SEMA5A: variants seen among roughly 807,000 people sequenced by gnomAD.
SEMA5A encodes semaphorin 5A, also known as semaphorin-5A.
SEMA5A carries 55 observed loss-of-function variants against 135.5 expected under a neutral mutation model. That is an observed-to-expected ratio of 0.41 (90% confidence interval 0.33 to 0.51). The LOEUF (loss-of-function observed/expected upper bound fraction) is 0.51. Ranked by LOEUF, SEMA5A falls within the 20% of genes least tolerant of loss-of-function variation. SEMA5A has a pLI of 0.37. For missense variants in SEMA5A, 1,290 were observed against 1,419.9 expected (o/e 0.91, Z 1.47); for synonymous variants, 580 against 546.5 (o/e 1.06, Z -0.85).
chr5:9,453,256 C>G (rs1174006541), intron 1 of SEMA5A, among the ~76,000 whole-genome samples: 3 of 152,186 alleles, frequency 2.0e-5, no homozygotes, highest in African/African-American at 4.8e-5. Context: ...CACTTCCCAG[C>G]CATTCATGGA....
At chr5:9,251,194 A>G (rs559895390) in intron 5 of SEMA5A, among the ~76,000 whole-genome samples, 2 of 152,300 alleles carry the variant, frequency 1.3e-5, no homozygotes, top group South Asian at 4.1e-4. Context: ...GACTCTAGTC[A>G]GAAGCTGGCA....
At chr5:9,280,593 AT>A (rs1418727045) in intron 5 of SEMA5A, among the ~76,000 whole-genome samples, 1 of 152,204 alleles carries the variant, frequency 6.6e-6, no homozygotes, top group African/African-American at 2.4e-5. Flanking sequence ...TAAAAATGAC[AT>A]TTGAAGTCCA....
At chr5:9,175,808 GGAAAACCATTTTACA>G (rs1744173941) in intron 11 of SEMA5A, among the ~76,000 whole-genome samples, 1 of 152,122 alleles carries the variant, frequency 6.6e-6, no homozygotes, top group African/African-American at 2.4e-5. Flanking sequence ...TTTGCTCCAA[GGAAAACCATTTTACA>G]TTTAATTTTA....
At chr5:9,532,744 C>T (rs1172404099) in intron 1 of SEMA5A, among the ~76,000 whole-genome samples, 2 of 152,130 alleles carry the variant, frequency 1.3e-5, no homozygotes, top group African/African-American at 2.4e-5. Context: ...TTTTATTTTC[C>T]ACAGATAAAG....
chr5:9,444,817 C>A (rs1469056976), intron 1 of SEMA5A, among the ~76,000 whole-genome samples: 1 of 152,098 alleles, frequency 6.6e-6, no homozygotes, highest in Non-Finnish European at 1.5e-5. Flanking sequence ...AACGGTTTTT[C>A]TTTCTTAAGG....
At position 9,521,231 on chromosome 5, in the gene SEMA5A, G is replaced by A. The variant is rs578032526; in HGVS notation, c.-175+24353C>T. Among the ~76,000 whole-genome samples the A allele has an allele frequency of 3.4e-3, 510 of 152,234 alleles. 3 individuals are homozygous for A. Among genetic ancestry groups the A allele is most frequent in the African/African-American group, 0.011 (474 of 41,532 alleles). On this transcript the variant is annotated intron_variant, in intron 1 of 22. Transcript: ENST00000382496. ...TCGAGACCAGCCTGGCCAACATGGCGAAACCCCATCTCTACTAAAATTTAA... is the reference window on the plus strand; with the variant it reads ...TCGAGACCAGCCTGGCCAACATGGCAAAACCCCATCTCTACTAAAATTTAA...
intron 1 of SEMA5A, among the ~76,000 whole-genome samples, chr5:9,504,598 G>A (rs575265458): frequency 2.5e-4 from 38 of 152,334 alleles, no homozygotes; most frequent in African/African-American, 8.2e-4. Flanking sequence ...GGAATGCTTC[G>A]TAGGACTTAC....
At chr5:9,224,973 T>C in intron 7 of SEMA5A, 86 bp from the exon 8 acceptor site, 4 of 1,299,366 alleles carry the variant, frequency 3.1e-6, no homozygotes, top group Non-Finnish European at 4.2e-6. Context: ...ATCATCACAG[T>C]GACGCTTGTG....
chr5:9,524,036 G>A (rs967920041), intron 1 of SEMA5A, among the ~76,000 whole-genome samples: 16 of 152,206 alleles, frequency 1.1e-4, no homozygotes, highest in African/African-American at 2.7e-4. Context: ...CTGGTGGGAG[G>A]TGATTGGATC....
intron 18 of SEMA5A, among the ~76,000 whole-genome samples, chr5:9,060,106 G>A (rs1737102347): frequency 6.6e-6 from 1 of 152,072 alleles, no homozygotes; most frequent in Admixed American, 6.5e-5. Context: ...CCCAGGCAGG[G>A]GAAGCACCAC....
intron 18 of SEMA5A, among the ~76,000 whole-genome samples, chr5:9,055,128 A>C (rs1388328641): frequency 6.6e-6 from 1 of 152,144 alleles, no homozygotes; most frequent in Non-Finnish European, 1.5e-5. Context: ...GGAGACTTTA[A>C]GAGTCAGTCC....
At chr5:9,208,428 C>G (rs1746167578) in intron 8 of SEMA5A, among the ~76,000 whole-genome samples, 1 of 152,174 alleles carries the variant, frequency 6.6e-6, no homozygotes, top group Non-Finnish European at 1.5e-5. Flanking sequence ...CTGATAGACA[C>G]AGCCCGTGCC....
intron 2 of SEMA5A, among the ~76,000 whole-genome samples, chr5:9,431,655 T>C (rs546289700): frequency 1.3e-5 from 2 of 152,186 alleles, no homozygotes; most frequent in South Asian, 4.1e-4. Flanking sequence ...CAAAGTCCCA[T>C]GAAATCCAAA....
At position 9,162,585 on chromosome 5, in the gene SEMA5A, T is replaced by TATAC. The variant is rs370982773; in HGVS notation, c.1274-7891_1274-7890insGTAT. The stretch of plus-strand genomic sequence containing the variant: ...GTGTGTATATATATATATATATATA[T>TATAC]ACACACACACACACAAACCATCTTT... On this transcript the variant is annotated intron_variant, in intron 11 of 22. Coordinates refer to ENST00000382496, the MANE Select transcript of SEMA5A (RefSeq NM_003966.3). Among the ~76,000 whole-genome samples, 353 of 112,024 alleles carry TATAC rather than the reference T, an allele frequency of 3.2e-3. 7 individuals are homozygous for TATAC. Among genetic ancestry groups the TATAC allele is most frequent in the African/African-American group, 9.8e-3 (229 of 23,340 alleles). 73.5% of individuals were successfully genotyped at this position (112,024 alleles called of 152,430 possible).
chr5:9,209,237 A>G (rs1183709630), intron 8 of SEMA5A, among the ~76,000 whole-genome samples: 1 of 152,180 alleles, frequency 6.6e-6, no homozygotes, highest in East Asian at 1.9e-4. Flanking sequence ...AAAGTGACAG[A>G]CTTTAGTGTC....
At chr5:9,090,469 G>T (rs939224720) in intron 16 of SEMA5A, among the ~76,000 whole-genome samples, 3 of 152,170 alleles carry the variant, frequency 2.0e-5, no homozygotes, top group Non-Finnish European at 4.4e-5. Flanking sequence ...AGAAGAGAAA[G>T]ATAATACAAC....
At chr5:9,430,004 G>GA (rs1757800948) in intron 2 of SEMA5A, among the ~76,000 whole-genome samples, 2 of 152,206 alleles carry the variant, frequency 1.3e-5, no homozygotes, top group Non-Finnish European at 2.9e-5. Flanking sequence ...GAAGACCTGA[G>GA]AACTCACGGG....
At chr5:9,063,589 T>A (rs1737300506) in intron 17 of SEMA5A, among the ~76,000 whole-genome samples, 1 of 152,204 alleles carries the variant, frequency 6.6e-6, no homozygotes, top group South Asian at 2.1e-4. Flanking sequence ...GAATTAATGC[T>A]GGTAAAAGGG....
At chr5:9,232,394 A>G (rs1365874793) in intron 6 of SEMA5A, among the ~76,000 whole-genome samples, 1 of 152,186 alleles carries the variant, frequency 6.6e-6, no homozygotes, top group Non-Finnish European at 1.5e-5. Flanking sequence ...AAGAAGAGCA[A>G]TTTACAGGAA....
Sources: gnomAD v4.1 joint callset for allele counts (sites outside exome capture counted in the v4.1 genomes callset) on GRCh38, gnomAD v4.1.1 for gene constraint, MANE v1.5 for transcripts, NCBI Gene and HGNC (gene_info 2026-07-23, HGNC 2026-07-21) for gene names.